SPMIP8: variants seen among roughly 807,000 people sequenced by gnomAD.
SPMIP8 encodes sperm microtubule inner protein 8, also known as testicular tissue protein Li 196.
chr16:57,987,321 C>T, the SPMIP8 span: 25 of 1,388,758 alleles, frequency 1.8e-5, no homozygotes, highest in South Asian at 2.1e-4. Flanking sequence ...GTTTTCAGAT[C>T]CTAGAGGGGA....
the SPMIP8 span, among the ~76,000 whole-genome samples, chr16:57,985,711 A>G: frequency 0.47 from 71,213 of 152,046 alleles, 19,167 homozygotes; most frequent in Non-Finnish European, 0.62. Flanking sequence ...ATACATGTGT[A>G]ATTCCTACTA....
At chr16:57,980,124 A>G in the SPMIP8 span, among the ~76,000 whole-genome samples, 709 of 152,330 alleles carry the variant, frequency 4.7e-3, 1 homozygote, top group South Asian at 0.012. Context: ...ACAAGGGGTT[A>G]TAGCTGCCAG....
At chr16:57,980,324 A>G in the SPMIP8 span, among the ~76,000 whole-genome samples, 1 of 152,264 alleles carries the variant, frequency 6.6e-6, no homozygotes, top group Non-Finnish European at 1.5e-5. Flanking sequence ...ACAAACATGC[A>G]TGTAACATAC....
the SPMIP8 span, chr16:57,987,350 T>G: frequency 6.7e-7 from 1 of 1,492,122 alleles, no homozygotes; most frequent in East Asian, 2.8e-5. Flanking sequence ...ATTTTTCCCC[T>G]AGGACACCCT....
the SPMIP8 span, among the ~76,000 whole-genome samples, chr16:57,979,929 G>A: frequency 3.9e-5 from 6 of 152,116 alleles, no homozygotes; most frequent in Non-Finnish European, 7.4e-5. Flanking sequence ...TTAGCCGGGC[G>A]GGGTGGCGGG....
chr16:57,984,598 C>A, the SPMIP8 span: 1 of 1,516,420 alleles, frequency 6.6e-7, no homozygotes, highest in Non-Finnish European at 8.8e-7. Context: ...GCTCCTGCGG[C>A]TACGGCCGCG....
At chr16:57,978,022 C>T in the SPMIP8 span, 2 of 1,613,934 alleles carry the variant, frequency 1.2e-6, no homozygotes, top group African/African-American at 2.7e-5. Context: ...TGCCAGTCCA[C>T]CACCTACTGC....
the SPMIP8 span, among the ~76,000 whole-genome samples, chr16:57,980,417 C>T: frequency 7.9e-5 from 12 of 152,268 alleles, no homozygotes; most frequent in Admixed American, 2.0e-4. Context: ...CTTTTCAGGA[C>T]GCGAAGCCCA....
At chr16:57,985,179 C>T in the SPMIP8 span, 13 of 1,486,656 alleles carry the variant, frequency 8.7e-6, no homozygotes, top group Admixed American at 2.5e-5. Flanking sequence ...GGCGGATGAG[C>T]GCTCGAGAGG....
At chr16:57,977,806 G>GC in the SPMIP8 span, 39 of 1,608,856 alleles carry the variant, frequency 2.4e-5, no homozygotes, top group Non-Finnish European at 3.4e-6. Context: ...AGAACCCTCT[G>GC]CCCCCCAGCT....
At chr16:57,978,171 T>C in the SPMIP8 span, 6 of 1,006,452 alleles carry the variant, frequency 6.0e-6, no homozygotes, top group Non-Finnish European at 8.6e-6. Flanking sequence ...TGGCCAGGTC[T>C]GAGCCTCTGT....
At chr16:57,985,827 G>T in the SPMIP8 span, 3 of 1,508,314 alleles carry the variant, frequency 2.0e-6, no homozygotes, top group Non-Finnish European at 2.7e-6. Context: ...CGGGGAGAGG[G>T]GGTGGCTCCC....
At chr16:57,977,941 ACC>A in the SPMIP8 span, 2 of 1,614,110 alleles carry the variant, frequency 1.2e-6, no homozygotes, top group South Asian at 2.2e-5. Flanking sequence ...CAGCAGCTCT[ACC>A]ACCCAGCCCT....
At chr16:57,981,737 A>T in the SPMIP8 span, among the ~76,000 whole-genome samples, 1 of 151,926 alleles carries the variant, frequency 6.6e-6, no homozygotes, top group East Asian at 1.9e-4. Flanking sequence ...GCTGGTCTCA[A>T]AATCCTGACC....
At chr16:57,985,286 A>G in the SPMIP8 span, 1 of 1,558,650 alleles carries the variant, frequency 6.4e-7, no homozygotes. Flanking sequence ...CGCTGCGCGC[A>G]GACCCGTCCC....
chr16:57,985,036 C>T, the SPMIP8 span: 1 of 1,076,146 alleles, frequency 9.3e-7, no homozygotes, highest in Non-Finnish European at 1.3e-6. Flanking sequence ...AGCCTTCGGG[C>T]CGGGGGCTTT....
chr16:57,977,898 G>A, the SPMIP8 span: 8 of 1,613,984 alleles, frequency 5.0e-6, no homozygotes, highest in African/African-American at 1.3e-5. Context: ...GCTTCCCATG[G>A]AGCGGCAGCG....
chr16:57,977,546 C>G, the SPMIP8 span, among the ~76,000 whole-genome samples: 10 of 147,688 alleles, frequency 6.8e-5, no homozygotes, highest in Non-Finnish European at 1.5e-5. Flanking sequence ...CCCTCACAGC[C>G]ATGGCACAAT....
chr16:57,984,199 C>G, the SPMIP8 span: 2 of 1,136,676 alleles, frequency 1.8e-6, no homozygotes, highest in South Asian at 1.2e-5. Flanking sequence ...CCATCGTGCC[C>G]GGCCTCAAAA....
Sources: allele counts gnomAD v4.1 joint callset (sites outside exome capture counted in the v4.1 genomes callset), GRCh38; gene constraint gnomAD v4.1.1; transcripts MANE v1.5; gene names NCBI Gene and HGNC (gene_info 2026-07-23, HGNC 2026-07-21).